Variants in SEMA3A observed in about 807,000 individuals in gnomAD.
SEMA3A encodes the protein semaphorin 3A.
SEMA3A carries 29 observed loss-of-function variants against 97.9 expected under a neutral mutation model. That is an observed-to-expected ratio of 0.30 (90% confidence interval 0.22 to 0.40). The LOEUF (loss-of-function observed/expected upper bound fraction) is 0.40. Ranked by LOEUF, SEMA3A falls within the 10% of genes least tolerant of loss-of-function variation. SEMA3A has a pLI of 1.00. For missense variants in SEMA3A, 763 were observed against 951.3 expected, an observed-to-expected ratio of 0.80 and a Z score of 2.60; for synonymous variants, 321 against 323.7, an observed-to-expected ratio of 0.99 and a Z score of 0.09.
intron 5 of SEMA3A, among the ~76,000 whole-genome samples, chr7:84,051,127 T>C (rs552796721): frequency 1.3e-5 from 2 of 149,694 alleles, no homozygotes; most frequent in South Asian, 4.3e-4. Context: ...GTAGTATAGT[T>C]TGAAGTCAGG....
At chr7:84,425,440 C>T (rs12707652) in intron 1 of SEMA3A, among the ~76,000 whole-genome samples, 23,969 of 126,814 alleles carry the variant, frequency 0.19, 2,284 homozygotes, top group Middle Eastern at 0.31. Flanking sequence ...TAAATATAGG[C>T]ATATATTTAT....
intron 3 of SEMA3A, among the ~76,000 whole-genome samples, chr7:84,222,397 A>T (rs1230060295): frequency 1.3e-5 from 2 of 151,882 alleles, no homozygotes; most frequent in Admixed American, 1.3e-4. Flanking sequence ...ACATTAAAAT[A>T]ATAATAAGGA....
chr7:83,999,246 A>G (rs1490965328), intron 12 of SEMA3A, among the ~76,000 whole-genome samples: 1 of 152,172 alleles, frequency 6.6e-6, no homozygotes, highest in East Asian at 1.9e-4. Flanking sequence ...TAATTTTGTT[A>G]AAAGTTATTT....
rs577717017 is a variant in SEMA3A at position 84,208,269 on chromosome 7, G to A, written c.-82-13601C>T. ...AGATCGAGACCATCCTGGCTAACAT[G>A]GTGAAACCCCGCCTCTACTAAAAAT... On this transcript the variant is annotated intron_variant, in intron 3 of 3. Transcript: ENST00000424555. Among the ~76,000 whole-genome samples, 9 of 152,166 alleles carry A rather than the reference G, an allele frequency of 5.9e-5. No individual in the cohort carries two copies. In the South Asian group the frequency reaches 6.2e-4, roughly 11 times the overall value.
In SEMA3A at chr7:83,957,163, A is replaced by G. The variant is rs1788304694; in HGVS notation, c.*4208T>C. ...GGGGTAGTGTGACAATAAAAGGTAT[A>G]TACAAGGCACAGGTTTAGCATAGAG... is the stretch of plus-strand genomic sequence containing the variant. On this transcript the variant is annotated 3_prime_UTR_variant, in exon 17 of 17. Transcript: ENST00000265362. The G allele has an allele frequency of 6.6e-6, 1 of 152,124 alleles. No homozygotes were observed. Among genetic ancestry groups the G allele is most frequent in the Non-Finnish European group, 1.5e-5 (1 of 68,002 alleles). 9.4% of individuals were successfully genotyped at this position (152,124 alleles called of 1,614,324 possible). A position where few individuals can be genotyped will look rare whatever the true frequency, so the allele number is the denominator to read the frequency against.
chr7:84,198,320 C>T (rs566364851), upstream of SEMA3A, among the ~76,000 whole-genome samples: 2 of 152,008 alleles, frequency 1.3e-5, no homozygotes, highest in African/African-American at 4.8e-5. Flanking sequence ...CTCAGCCTCC[C>T]GAGTAGCTGG....
chr7:84,097,102 C>G (rs1794799612), intron 4 of SEMA3A, among the ~76,000 whole-genome samples: 2 of 152,034 alleles, frequency 1.3e-5, no homozygotes, highest in African/African-American at 4.8e-5. Flanking sequence ...CGCCAAGCAT[C>G]CATCTGTTCC....
At chr7:84,214,904 T>C (rs1452369223) in intron 3 of SEMA3A, among the ~76,000 whole-genome samples, 1 of 151,468 alleles carries the variant, frequency 6.6e-6, no homozygotes, top group African/African-American at 2.4e-5. Context: ...TTTCACCATA[T>C]TGGCCAGGCT....
At chr7:84,401,272 A>G (rs116244190) in intron 1 of SEMA3A, among the ~76,000 whole-genome samples, 3,592 of 152,236 alleles carry the variant, frequency 0.024, 125 homozygotes, top group African/African-American at 0.081. Flanking sequence ...AAATAGCTAC[A>G]AAAAATACCT....
At chr7:84,334,126 C>T (rs1338784976) in intron 2 of SEMA3A, among the ~76,000 whole-genome samples, 1 of 152,056 alleles carries the variant, frequency 6.6e-6, no homozygotes, top group Non-Finnish European at 1.5e-5. Context: ...TTGATCACTG[C>T]TAGTTTAAGT....
intron 3 of SEMA3A, among the ~76,000 whole-genome samples, chr7:84,115,474 T>C (rs1481097861): frequency 6.6e-6 from 1 of 152,102 alleles, no homozygotes; most frequent in Non-Finnish European, 1.5e-5. Context: ...CTATAGACCA[T>C]GCTATTAGCA....
chr7:84,007,501 A>G lies in SEMA3A; in HGVS notation c.996-4T>C, dbSNP rs373363078. ...GGCTGATCCCTTGAAAATGTTACTG[A>G]ACAAGACAGCAAGAATAAAAACAGA... On this transcript the variant is annotated splice_polypyrimidine_tract_variant and splice_region_variant and intron_variant, in intron 9 of 16. Transcript: ENST00000265362. The G allele has an allele frequency of 8.5e-6, 13 of 1,534,392 alleles. No individual in the cohort carries two copies. The African/African-American group carries it at 1.5e-4, about 18-fold the overall frequency.
At chr7:84,113,694 A>G (rs996094592) in intron 3 of SEMA3A, among the ~76,000 whole-genome samples, 2 of 152,156 alleles carry the variant, frequency 1.3e-5, no homozygotes, top group Non-Finnish European at 1.5e-5. Flanking sequence ...AACACAGACA[A>G]GTTTAGCAAC....
chr7:84,385,097 A>AC (rs58696141), intron 1 of SEMA3A, among the ~76,000 whole-genome samples: 14 of 142,820 alleles, frequency 9.8e-5, no homozygotes, highest in Non-Finnish European at 1.9e-4. Context: ...ACACACACAC[A>AC]AACACTCAAT....
chr7:84,417,806 G>A (rs1804475285), intron 1 of SEMA3A, among the ~76,000 whole-genome samples: 1 of 151,908 alleles, frequency 6.6e-6, no homozygotes, highest in Non-Finnish European at 1.5e-5. Context: ...GTGGATAGAG[G>A]ACTCTTCATA....
At chr7:84,327,966 T>A (rs79780998) in intron 2 of SEMA3A, among the ~76,000 whole-genome samples, 3,747 of 152,084 alleles carry the variant, frequency 0.025, 152 homozygotes, top group African/African-American at 0.086. Flanking sequence ...ACACAATTAA[T>A]CAAACAGAAA....
chr7:84,276,307 C>T (rs1483377326), intron 3 of SEMA3A, among the ~76,000 whole-genome samples: 1 of 151,970 alleles, frequency 6.6e-6, no homozygotes, highest in Non-Finnish European at 1.5e-5. Context: ...GGAAAAATTC[C>T]TTTTAACCCT....
intron 2 of SEMA3A, among the ~76,000 whole-genome samples, chr7:84,370,625 A>C (rs188458073): frequency 6.6e-6 from 1 of 151,708 alleles, no homozygotes; most frequent in Non-Finnish European, 1.5e-5. Flanking sequence ...GCCAATTTAT[A>C]AATATTTACC....
At chr7:84,234,142 C>T (rs12672520) in intron 3 of SEMA3A, among the ~76,000 whole-genome samples, 53,480 of 151,708 alleles carry the variant, frequency 0.35, 10,400 homozygotes, top group Middle Eastern at 0.46. Flanking sequence ...TAGTGATGGC[C>T]ATTATATCAT....
Sources: allele counts gnomAD v4.1 joint callset (sites outside exome capture counted in the v4.1 genomes callset), GRCh38; gene constraint gnomAD v4.1.1; transcripts MANE v1.5; gene names NCBI Gene and HGNC (gene_info 2026-07-23, HGNC 2026-07-21).